The following PCBP3 variants were observed in gnomAD, a reference collection of about 807,000 sequenced individuals.
PCBP3 encodes poly(rC)-binding protein 3.
A neutral mutation model predicts 52.7 loss-of-function variants in PCBP3; 25 were observed. That is an observed-to-expected ratio of 0.47 (90% CI 0.35 to 0.66). PCBP3 has a LOEUF of 0.66. Ranked by LOEUF, PCBP3 falls within the 30% of genes least tolerant of loss-of-function variation. The pLI, the probability that PCBP3 is intolerant of heterozygous loss-of-function variation, is 0.01. For missense variants in PCBP3, 391 were observed against 490.3 expected, an observed-to-expected ratio of 0.80 and a Z score of 1.91; for synonymous variants, 162 against 183.0, an observed-to-expected ratio of 0.89 and a Z score of 0.93.
chr21:45,896,123 C>T (rs1032831109), intron 5 of PCBP3, 85 bp from the exon 6 acceptor site: 54 of 1,317,700 alleles, frequency 4.1e-5, no homozygotes, highest in Admixed American at 1.0e-4. Flanking sequence ...CCCGGGAGGC[C>T]GGAGTGGGAG....
chr21:45,843,252 A>G (rs2093735737), intron 4 of PCBP3, among the ~76,000 whole-genome samples: 1 of 150,760 alleles, frequency 6.6e-6, no homozygotes, highest in African/African-American at 2.5e-5. Flanking sequence ...TCCTGTCCAG[A>G]ACCAGAAGGC....
At chr21:45,933,647 C>G (rs1360704207) in intron 15 of PCBP3, among the ~76,000 whole-genome samples, 2 of 152,168 alleles carry the variant, frequency 1.3e-5, no homozygotes, top group African/African-American at 2.4e-5. Context: ...ATATAAAGAA[C>G]AGAAACTCTA....
At chr21:45,825,533 G>T (rs574846716) in intron 4 of PCBP3, among the ~76,000 whole-genome samples, 1 of 152,196 alleles carries the variant, frequency 6.6e-6, no homozygotes, top group Non-Finnish European at 1.5e-5. Flanking sequence ...ACTCCTGGCG[G>T]CTCAACAGGC....
At chr21:45,925,840 T>C (rs2075334121) in intron 13 of PCBP3, among the ~76,000 whole-genome samples, 2 of 152,328 alleles carry the variant, frequency 1.3e-5, no homozygotes, top group South Asian at 4.1e-4. Flanking sequence ...AAAACATAGA[T>C]AATTTGACAG....
intron 5 of PCBP3, among the ~76,000 whole-genome samples, chr21:45,850,341 G>A (rs775674996): frequency 1.3e-4 from 20 of 152,202 alleles, no homozygotes; most frequent in Admixed American, 2.0e-4. Context: ...AGGCCAGGTG[G>A]TTCTCGCACA....
At chr21:45,671,840 T>G (rs1304579324) in intron 2 of PCBP3, among the ~76,000 whole-genome samples, 1 of 152,166 alleles carries the variant, frequency 6.6e-6, no homozygotes, top group Non-Finnish European at 1.5e-5. Context: ...CAATCTTGTT[T>G]TTGTCTTCAT....
intron 2 of PCBP3, among the ~76,000 whole-genome samples, chr21:45,725,062 G>A (rs2084930343): frequency 6.6e-6 from 1 of 152,136 alleles, no homozygotes; most frequent in Non-Finnish European, 1.5e-5. Flanking sequence ...TACTGGCCGT[G>A]TTTTAAAAAT....
intron 4 of PCBP3, among the ~76,000 whole-genome samples, chr21:45,813,190 G>T (rs976430748): frequency 6.6e-6 from 1 of 152,046 alleles, no homozygotes; most frequent in African/African-American, 2.4e-5. Context: ...GGTCTCTCAG[G>T]TTCTGTTGTT....
At chr21:45,723,172 A>G (rs1436289627) in intron 2 of PCBP3, among the ~76,000 whole-genome samples, 1 of 152,152 alleles carries the variant, frequency 6.6e-6, no homozygotes, top group African/African-American at 2.4e-5. Context: ...GAGAGCTGGC[A>G]TGTGTTTGGC....
rs550102044 is a variant in PCBP3 at position 45,821,210 on chromosome 21, C to A, written c.-125-28751C>A. 6.6e-6 allele frequency among the ~76,000 whole-genome samples: 1 copy of A among 152,102 alleles called. No homozygotes were observed. Among genetic ancestry groups the A allele is most frequent in the East Asian group, 1.9e-4 (1 of 5,184 alleles). On this transcript the variant is annotated intron_variant, in intron 4 of 17. Coordinates refer to ENST00000681687, the MANE Select transcript of PCBP3 (RefSeq NM_001384156.1). This position sits in a 1 kb window ranked among gnomAD's most constrained non-coding sequence, Gnocchi z 4.4. ...TTGCCTGGCAGGCTGGGAGGGACCCCCTCTCCTGTGCAGCCTCTCCCTAAT... is the reference window on the plus strand; with the variant it reads ...TTGCCTGGCAGGCTGGGAGGGACCCACTCTCCTGTGCAGCCTCTCCCTAAT...
chr21:45,668,417 A>T (rs753963899), intron 1 of PCBP3, among the ~76,000 whole-genome samples: 1 of 152,182 alleles, frequency 6.6e-6, no homozygotes, highest in Non-Finnish European at 1.5e-5. Context: ...AAATAAATGT[A>T]ACCTGGCAAG....
chr21:45,751,827 T>G (rs1335027000), intron 3 of PCBP3, among the ~76,000 whole-genome samples: 1 of 152,220 alleles, frequency 6.6e-6, no homozygotes, highest in Non-Finnish European at 1.5e-5. Context: ...TTTGCTAAAG[T>G]GATGCCTGAA....
At chr21:45,834,973 C>T (rs1201059711) in intron 4 of PCBP3, among the ~76,000 whole-genome samples, 3 of 152,232 alleles carry the variant, frequency 2.0e-5, no homozygotes, top group South Asian at 2.1e-4. Context: ...GGTGTCCACC[C>T]GTGCTCGGGG....
chr21:45,695,957 T>C (rs1382333414), intron 2 of PCBP3, among the ~76,000 whole-genome samples: 1 of 151,764 alleles, frequency 6.6e-6, no homozygotes, highest in Non-Finnish European at 1.5e-5. Flanking sequence ...CACACACCTG[T>C]AATTCCAGCC....
rs2093415423 is a variant in PCBP3 at position 45,830,314 on chromosome 21, G to A, written c.-125-19647G>A. 1.3e-5 allele frequency: 2 copies of A among 153,154 alleles called. No homozygotes were observed. The highest frequency in any genetic ancestry group is 2.1e-4 in the South Asian group (1 of 4,828). The allele number at this position is 153,154 out of a possible 1,614,324, so 9.5% of individuals were successfully genotyped here. ...GCTCTGCAGGGAGCCCCTCTTTCCT[G>A]CACAGTGCAGGCATCTCCTCTTAGG... is the stretch of plus-strand genomic sequence containing the variant. On this transcript the variant is annotated intron_variant, in intron 4 of 17. Coordinates refer to ENST00000681687, the MANE Select transcript of PCBP3 (RefSeq NM_001384156.1). The surrounding 1 kb of genome is among the most constrained non-coding windows in gnomAD (Gnocchi z 4.4).
chr21:45,811,493 C>T (rs1272186897), intron 4 of PCBP3, among the ~76,000 whole-genome samples: 2 of 152,276 alleles, frequency 1.3e-5, no homozygotes, highest in Non-Finnish European at 2.9e-5. Context: ...AGGATAATCT[C>T]GCCATTGCAA....
chr21:45,905,744 A>T (rs946560278), intron 9 of PCBP3, among the ~76,000 whole-genome samples: 1 of 152,142 alleles, frequency 6.6e-6, no homozygotes, highest in African/African-American at 2.4e-5. Context: ...CACCAGTCAG[A>T]TTACATTAGG....
chr21:45,930,036 C>G, intron 14 of PCBP3, 41 bp downstream of exon 14: 1 of 1,404,082 alleles, frequency 7.1e-7, no homozygotes, highest in Non-Finnish European at 1.0e-6. Context: ...CTCTTCTCAC[C>G]TGGGGACTTT....
At chr21:45,740,930 G>C (rs1447957293) in intron 3 of PCBP3, among the ~76,000 whole-genome samples, 2 of 152,238 alleles carry the variant, frequency 1.3e-5, no homozygotes, top group African/African-American at 2.4e-5. Flanking sequence ...GCTGTGGAAA[G>C]CTTGTCTGAG....
Sources: allele counts gnomAD v4.1 joint callset (sites outside exome capture counted in the v4.1 genomes callset), GRCh38; gene constraint gnomAD v4.1.1; non-coding constraint Gnocchi (gnomAD v3.1); transcripts MANE v1.5; gene names NCBI Gene and HGNC (gene_info 2026-07-23, HGNC 2026-07-21).